TRAF3: variants seen among roughly 807,000 people sequenced by gnomAD.
TRAF3 encodes TNF receptor-associated factor 3.
Under a neutral mutation model 62.3 loss-of-function variants are expected in TRAF3, and 13 were observed. The observed-to-expected ratio is 0.21, with a 90% CI of 0.14 to 0.33. The LOEUF (loss-of-function observed/expected upper bound fraction) is 0.33, where lower values mean the gene tolerates loss of function less well. Among genes scored for constraint, TRAF3 ranks in the 10% least tolerant of loss-of-function variants. The probability of loss-of-function intolerance (pLI) is 1.00; values close to 1 mark genes in which losing one functional copy is unlikely to be tolerated. For synonymous variants in TRAF3, 269 were observed against 283.4 expected (o/e 0.95, Z 0.51); for missense variants, 440 against 741.8 (o/e 0.59, Z 4.73).
intron 2 of TRAF3, among the ~76,000 whole-genome samples, chr14:102,854,824 A>T (rs1887271106): frequency 6.7e-6 from 1 of 148,254 alleles, no homozygotes. Flanking sequence ...TTTTTTTAAC[A>T]ATGTTTTAAA....
chr14:102,784,594 T>G lies in TRAF3; in HGVS notation c.-157+6919T>G, dbSNP rs796565889. On this transcript the variant is annotated intron_variant, in intron 1 of 11. Transcript: ENST00000392745. ...ATCACCCACACTTTCTTTGAGAACT[T>G]TCTAAGTGCTAGGGGCTATGCTCGT... Among the ~76,000 whole-genome samples the G allele has an allele frequency of 2.0e-5, 3 of 152,162 alleles. No homozygotes were observed. The South Asian group carries it at 6.2e-4, about 32-fold the overall frequency.
chr14:102,824,988 G>T (rs1481710407), intron 1 of TRAF3, among the ~76,000 whole-genome samples: 1 of 152,220 alleles, frequency 6.6e-6, no homozygotes, highest in East Asian at 1.9e-4. Context: ...CATTCAGTCA[G>T]TTGAAAATCA....
chr14:102,823,027 C>T (rs1232561837), intron 1 of TRAF3, among the ~76,000 whole-genome samples: 1 of 150,948 alleles, frequency 6.6e-6, no homozygotes, highest in African/African-American at 2.4e-5. Flanking sequence ...AAAAGAAACA[C>T]ATGTTATTGT....
At chr14:102,855,199 C>T (rs941627526) in intron 2 of TRAF3, among the ~76,000 whole-genome samples, 8 of 152,140 alleles carry the variant, frequency 5.3e-5, no homozygotes, top group East Asian at 1.9e-4. Context: ...TATTCACTGT[C>T]TGGATAGATT....
At chr14:102,814,233 G>A (rs546733323) in intron 1 of TRAF3, among the ~76,000 whole-genome samples, 1 of 152,280 alleles carries the variant, frequency 6.6e-6, no homozygotes, top group African/African-American at 2.4e-5. Context: ...TAGATATGCA[G>A]GTTAATTCCT....
chr14:102,837,296 A>G (rs1886085943), intron 2 of TRAF3, among the ~76,000 whole-genome samples: 1 of 151,928 alleles, frequency 6.6e-6, no homozygotes, highest in Admixed American at 6.6e-5. Context: ...ATGCCACCAC[A>G]CCTGGCTAAT....
At chr14:102,799,694 G>T (rs1898282043) in intron 1 of TRAF3, among the ~76,000 whole-genome samples, 1 of 152,186 alleles carries the variant, frequency 6.6e-6, no homozygotes, top group Non-Finnish European at 1.5e-5. Flanking sequence ...CAAAGGACCT[G>T]CGTGCCTTGG....
chr14:102,820,924 C>T (rs182076089), intron 1 of TRAF3, among the ~76,000 whole-genome samples: 1 of 152,034 alleles, frequency 6.6e-6, no homozygotes, highest in East Asian at 1.9e-4. Flanking sequence ...CATGAACCAC[C>T]ACACCCTCCT....
At chr14:102,855,561 C>T (rs371155336) in intron 2 of TRAF3, among the ~76,000 whole-genome samples, 254 of 152,096 alleles carry the variant, frequency 1.7e-3, no homozygotes, top group African/African-American at 5.8e-3. Flanking sequence ...TTTGGGAGGC[C>T]GAGGCAGGCA....
At chr14:102,891,083 A>C (rs905603957) in intron 8 of TRAF3, among the ~76,000 whole-genome samples, 1 of 152,196 alleles carries the variant, frequency 6.6e-6, no homozygotes, top group Non-Finnish European at 1.5e-5. Context: ...GATAACCCTG[A>C]GATGCTCACT....
intron 2 of TRAF3, among the ~76,000 whole-genome samples, chr14:102,845,789 T>TA (rs1210502912): frequency 4.6e-5 from 7 of 151,902 alleles, no homozygotes. Flanking sequence ...GTGCTGGGAT[T>TA]ACAGGTGTGA....
intron 1 of TRAF3, among the ~76,000 whole-genome samples, chr14:102,817,065 T>A (rs1899581465): frequency 1.3e-5 from 2 of 152,152 alleles, no homozygotes; most frequent in African/African-American, 4.8e-5. Context: ...CAGAGGCAGA[T>A]CAGAGAGGAA....
intron 2 of TRAF3, among the ~76,000 whole-genome samples, chr14:102,852,709 G>GT (rs917433022): frequency 1.3e-4 from 20 of 151,418 alleles, no homozygotes; most frequent in African/African-American, 3.2e-4. Flanking sequence ...AAAACAGTTT[G>GT]TTTTTTTTAG....
chr14:102,808,277 C>T lies in TRAF3; in HGVS notation c.-156-22057C>T, dbSNP rs1049976816. Reference sequence around the variant, plus strand: ...CCTGTAATCCCAGCACTTTGGGAGGCTGAGACAGGCGAATCACCTGAGGTC... The same window carrying T: ...CCTGTAATCCCAGCACTTTGGGAGGTTGAGACAGGCGAATCACCTGAGGTC... On this transcript the variant is annotated intron_variant, in intron 1 of 11. Transcript: ENST00000392745. Among the ~76,000 whole-genome samples the T allele has an allele frequency of 5.3e-5, 8 of 152,258 alleles. No individual in the cohort carries two copies. The South Asian group carries it at 1.4e-3, about 28-fold the overall frequency.
chr14:102,881,553 A>G (rs554378859), intron 6 of TRAF3, among the ~76,000 whole-genome samples: 91 of 152,186 alleles, frequency 6.0e-4, no homozygotes, highest in South Asian at 3.5e-3. Flanking sequence ...ACACATAGAC[A>G]CATTTAGGGG....
At chr14:102,779,923 C>T (rs1045924612) in intron 1 of TRAF3, among the ~76,000 whole-genome samples, 1 of 152,232 alleles carries the variant, frequency 6.6e-6, no homozygotes. Context: ...TTAGCAGAGG[C>T]GACGTCTCGT....
intron 2 of TRAF3, among the ~76,000 whole-genome samples, chr14:102,868,183 GGT>G (rs1888116033): frequency 6.6e-6 from 1 of 152,234 alleles, no homozygotes; most frequent in Admixed American, 6.5e-5. Flanking sequence ...TGAGGGAGCT[GGT>G]GAGTTGTGAA....
In TRAF3 at chr14:102,903,586, C is replaced by G. The variant is rs1259596222; in HGVS notation, c.1135+157C>G. The G allele has an allele frequency of 9.3e-7, 1 of 1,076,852 alleles. No homozygotes were observed. Among genetic ancestry groups the G allele is most frequent in the African/African-American group, 1.6e-5 (1 of 64,334 alleles). 66.7% of individuals were successfully genotyped at this position (1,076,852 alleles called of 1,614,324 possible). A position where few individuals can be genotyped will look rare whatever the true frequency, so the allele number is the denominator to read the frequency against. ...ACGCAGAGGTGTGATGACTTTCCTACTGAAAGTCCCCCAGCAAAGACAAAC... is the reference window on the plus strand; with the variant it reads ...ACGCAGAGGTGTGATGACTTTCCTAGTGAAAGTCCCCCAGCAAAGACAAAC... On this transcript the variant is annotated intron_variant, in intron 11 of 11. Transcript: ENST00000392745. The surrounding 1 kb of genome is among the most constrained non-coding windows in gnomAD (Gnocchi z 6.4).
intron 2 of TRAF3, among the ~76,000 whole-genome samples, chr14:102,854,947 T>A (rs1887278440): frequency 6.6e-6 from 1 of 152,154 alleles, no homozygotes; most frequent in East Asian, 1.9e-4. Flanking sequence ...TCCAACACAT[T>A]TTTTTCGTTC....
Sources: allele counts gnomAD v4.1 joint callset (sites outside exome capture counted in the v4.1 genomes callset), GRCh38; gene constraint gnomAD v4.1.1; non-coding constraint Gnocchi (gnomAD v3.1); transcripts MANE v1.5; gene names NCBI Gene and HGNC (gene_info 2026-07-23, HGNC 2026-07-21).